The following KIF26A variants were observed in gnomAD, a reference collection of about 807,000 sequenced individuals.
KIF26A encodes kinesin-like protein KIF26A.
Under a neutral mutation model 126.0 loss-of-function variants are expected in KIF26A, and 74 were observed. That is an observed-to-expected ratio of 0.59 (90% CI 0.49 to 0.71). The LOEUF is 0.71. KIF26A is among the 30% of genes least tolerant of loss of function. KIF26A has a pLI of 0.00. For missense variants in KIF26A, 2,984 were observed against 2,763.3 expected, an observed-to-expected ratio of 1.08 and a Z score of -1.79; for synonymous variants, 1,445 against 1,232.7, an observed-to-expected ratio of 1.17 and a Z score of -3.61.
At chr14:104,157,159 G>A (rs886468348) in intron 3 of KIF26A, among the ~76,000 whole-genome samples, 2 of 152,164 alleles carry the variant, frequency 1.3e-5, no homozygotes, top group Non-Finnish European at 2.9e-5. Context: ...GGCTGTCCCG[G>A]GCGTTTAATT....
Position 104,175,387 on chromosome 14 carries a change from G to T in KIF26A, c.2599G>T (p.Ala867Ser), listed in dbSNP as rs748790715. ...PSGGPGGTDG[A>S]QASPARGGRK... ...AGGAGGTCCAGGTGGCACCGACGGA[G>T]CTCAGGCCAGCCCCGCCCGAGGGGG... Residue 867 changes from alanine (A) to serine (S), a missense_variant, in exon 12 of 15, where the codon GCT becomes TCT. Coordinates refer to ENST00000423312, the MANE Select transcript of KIF26A (RefSeq NM_015656.2). The T allele has an allele frequency of 3.3e-5, 52 of 1,597,272 alleles. No homozygotes were observed. The highest frequency in any genetic ancestry group is 4.3e-5 in the Non-Finnish European group (51 of 1,176,772).
chr14:104,178,466 G>T (rs2038060942), intron 12 of KIF26A, 84 bp from the exon 13 acceptor site: 1 of 1,056,588 alleles, frequency 9.5e-7, no homozygotes, highest in Non-Finnish European at 1.3e-6. Context: ...TCAGGACTCG[G>T]GCCGGCTCCG....
In KIF26A at chr14:104,179,874, C is replaced by T. The variant is rs915262095; in HGVS notation, c.*84C>T. 39 of 1,076,780 alleles carry T rather than the reference C, an allele frequency of 3.6e-5. No homozygotes were observed. Among genetic ancestry groups the T allele is most frequent in the Admixed American group, 1.8e-4 (5 of 27,836 alleles). The allele number at this position is 1,076,780 out of a possible 1,614,324, so 66.7% of individuals were successfully genotyped here. On this transcript the variant is annotated 3_prime_UTR_variant, in exon 15 of 15. Coordinates refer to ENST00000423312, the MANE Select transcript of KIF26A (RefSeq NM_015656.2). ...CGGAGCGAGGATGTGGTGGGGGCTG[C>T]GGGGGGAGGATGCGGAGGGGTTTCT...
chr14:104,173,935 G>A (rs943855495), intron 10 of KIF26A, 67 bp downstream of exon 10: 113 of 1,500,702 alleles, frequency 7.5e-5, no homozygotes, highest in Non-Finnish European at 9.5e-5. Context: ...ATCCGTGTCT[G>A]GTGTGCCCGG....
rs2038050016 is a variant in KIF26A at position 104,177,734 on chromosome 14, C to T, written c.4946C>T (p.Ala1649Val). The T allele has an allele frequency of 1.3e-6, 2 of 1,542,036 alleles. No individual in the cohort carries two copies. The change falls in exon 12 of 15, where the codon GCC becomes GTC. Residue 1649 changes from alanine (A) to valine (V), a missense_variant. Transcript: ENST00000423312. ...GELPPAMGRT[A>V]LFHHSGGSSG... The stretch of plus-strand genomic sequence containing the variant: ...CTGCCGCCCGCCATGGGCCGCACCG[C>T]CCTTTTCCACCACAGCGGTGGCAGC...
chr14:104,175,520 C>T lies in KIF26A; in HGVS notation c.2732C>T (p.Thr911Ile). 6 of 1,599,458 alleles carry T rather than the reference C, an allele frequency of 3.8e-6. No homozygotes were observed. The highest frequency in any genetic ancestry group is 4.2e-6 in the Non-Finnish European group (5 of 1,178,792). Residue 911 changes from threonine (T) to isoleucine (I), a missense_variant, in exon 12 of 15, where the codon ACC (threonine) becomes ATC (isoleucine). Coordinates refer to ENST00000423312, the MANE Select transcript of KIF26A (RefSeq NM_015656.2). The part of the protein sequence containing the change: ...GSSGPDTHQG[T>I]PEPCKAIVWG... ...TCTGGTCCAGACACCCACCAGGGTA[C>T]CCCTGAGCCCTGCAAGGCCATTGTC...
chr14:104,166,144 G>C (rs533046406), intron 4 of KIF26A, among the ~76,000 whole-genome samples: 1 of 151,816 alleles, frequency 6.6e-6, no homozygotes, highest in East Asian at 1.9e-4. Flanking sequence ...GTGGCAGCGG[G>C]GGCACTTCCC....
chr14:104,178,511 C>T (rs951032444), intron 12 of KIF26A, 39 bp from the exon 13 acceptor site: 17 of 1,398,898 alleles, frequency 1.2e-5, no homozygotes, highest in Non-Finnish European at 1.5e-5. Context: ...TGGGCTGGGC[C>T]CCGCCTCTGT....
At chr14:104,156,417 G>C (rs2037777969) in intron 3 of KIF26A, among the ~76,000 whole-genome samples, 1 of 151,572 alleles carries the variant, frequency 6.6e-6, no homozygotes, top group Non-Finnish European at 1.5e-5. Flanking sequence ...CCAGGTCCCA[G>C]GTTCGCCCTT....
chr14:104,179,100 C>G (rs1485613641), intron 13 of KIF26A, 136 bp from the exon 14 acceptor site: 7 of 1,078,454 alleles, frequency 6.5e-6, no homozygotes, highest in Non-Finnish European at 8.8e-6. Context: ...GGTCCGCCCC[C>G]TGCCCGCCCT....
intron 5 of KIF26A, among the ~76,000 whole-genome samples, chr14:104,167,627 A>G (rs2037919477): frequency 6.6e-6 from 1 of 152,054 alleles, no homozygotes; most frequent in African/African-American, 2.4e-5. Flanking sequence ...TGGTTGTGCC[A>G]TCCGAGTCTC....
At chr14:104,172,711 C>T (rs2037971920) in intron 7 of KIF26A, 43 bp downstream of exon 7, 1 of 1,415,648 alleles carries the variant, frequency 7.1e-7, no homozygotes, top group Non-Finnish European at 9.9e-7. Flanking sequence ...TGCTGGCCAC[C>T]CCCTCCCATC....
At chr14:104,165,849 C>CTGTGTGCA (rs2037893071) in intron 4 of KIF26A, among the ~76,000 whole-genome samples, 3 of 139,678 alleles carry the variant, frequency 2.1e-5, no homozygotes, top group Admixed American at 7.0e-5. Context: ...CTGTGTGTGT[C>CTGTGTGCA]TGTGTGTGTC....
rs779998965 is a variant in KIF26A at position 104,176,934 on chromosome 14, G to T, written c.4146G>T (p.Pro1382=). Residue 1382 remains proline (P), a synonymous_variant, in exon 12 of 15, where the codon CCG becomes CCT. Coordinates refer to ENST00000423312, the MANE Select transcript of KIF26A (RefSeq NM_015656.2). ...EQRSSPASAP[P]HAVNPARVGA... ...GGAGCAGCCCGGCCTCGGCCCCTCC[G>T]CATGCTGTGAACCCGGCGCGGGTCG... The T allele has an allele frequency of 2.6e-6, 4 of 1,531,550 alleles. No homozygotes were observed. The highest frequency in any genetic ancestry group is 8.7e-7 in the Non-Finnish European group (1 of 1,143,562). 94.9% of individuals were successfully genotyped at this position (1,531,550 alleles called of 1,614,324 possible). A position where few individuals can be genotyped will look rare whatever the true frequency, so the allele number is the denominator to read the frequency against.
intron 4 of KIF26A, among the ~76,000 whole-genome samples, chr14:104,162,036 G>A (rs1183806647): frequency 6.6e-6 from 1 of 152,234 alleles, no homozygotes; most frequent in Non-Finnish European, 1.5e-5. Flanking sequence ...TTGAACCCAA[G>A]CGTGGTAGCC....
Position 104,173,375 on chromosome 14 carries a change from G to A in KIF26A, c.1729G>A (p.Ala577Thr). 1 of 1,594,542 alleles carries A rather than the reference G, an allele frequency of 6.3e-7. No individual in the cohort carries two copies. The highest frequency in any genetic ancestry group is 8.5e-7 in the Non-Finnish European group (1 of 1,171,684). ...ELRAPTAEKA[A>T]FYLDAALAAR... The stretch of plus-strand genomic sequence containing the variant: ...GCGGGCACCCACGGCCGAGAAGGCG[G>A]CTTTCTACCTGGATGCGGCCCTGGC... Residue 577 changes from alanine (A) to threonine (T), a missense_variant, in exon 9 of 15, where the codon GCT becomes ACT. Physicochemically the swap from Ala to Thr is moderately conservative, Grantham distance 58. Coordinates refer to ENST00000423312, the MANE Select transcript of KIF26A (RefSeq NM_015656.2).
chr14:104,157,914 C>T lies in KIF26A; in HGVS notation c.895C>T (p.Pro299Ser), dbSNP rs921472247. The T allele has an allele frequency of 1.3e-6, 2 of 1,529,578 alleles. No individual in the cohort carries two copies. Among genetic ancestry groups the T allele is most frequent in the Non-Finnish European group, 8.8e-7 (1 of 1,137,132 alleles). The allele number at this position is 1,529,578 out of a possible 1,614,324, so 94.8% of individuals were successfully genotyped here. The change falls in exon 4 of 15, where the codon CCC becomes TCC. Residue 299 changes from proline to serine, a missense_variant. By Grantham distance (74) the Pro-to-Ser change is moderately conservative. Coordinates refer to ENST00000423312, the MANE Select transcript of KIF26A (RefSeq NM_015656.2). ...TPGSVGGSTGPSAAASFFIRA... is the reference protein window; with the variant it reads ...TPGSVGGSTGSSAAASFFIRA... The stretch of plus-strand genomic sequence containing the variant: ...GGGCTCGGTGGGGGGCTCCACAGGC[C>T]CCTCAGCTGCAGCCTCCTTCTTCAT...
At chr14:104,169,880 C>T (rs991437066) in intron 5 of KIF26A, among the ~76,000 whole-genome samples, 9 of 152,200 alleles carry the variant, frequency 5.9e-5, no homozygotes, top group Non-Finnish European at 1.3e-4. Context: ...TGTGCCTTTT[C>T]CTGCAAAGAC....
At chr14:104,172,550 C>T in intron 6 of KIF26A, 25 bp from the exon 7 acceptor site, 2 of 1,590,628 alleles carry the variant, frequency 1.3e-6, no homozygotes, top group East Asian at 2.2e-5. Context: ...GGCCACAGCC[C>T]TGCCTGATTC....
Sources: gnomAD v4.1 joint callset for allele counts (sites outside exome capture counted in the v4.1 genomes callset) on GRCh38, gnomAD v4.1.1 for gene constraint, MANE v1.5 for transcripts, NCBI Gene and HGNC (gene_info 2026-07-23, HGNC 2026-07-21) for gene names.